The following HYDIN variants were observed in gnomAD, a reference collection of about 807,000 sequenced individuals.
The protein encoded by HYDIN is HYDIN axonemal central pair apparatus protein.
A neutral mutation model predicts 403.9 loss-of-function variants in HYDIN; 132 were observed. The observed-to-expected ratio is 0.33, with a 90% CI of 0.28 to 0.38. HYDIN has a LOEUF of 0.38. Ranked by LOEUF, HYDIN falls within the 10% of genes least tolerant of loss-of-function variation. The probability of loss-of-function intolerance (pLI) is 1.00; values close to 1 mark genes in which losing one functional copy is unlikely to be tolerated. For synonymous variants in HYDIN, 1,202 were observed against 1,891.7 expected (o/e 0.64, Z 9.46); for missense variants, 2,827 against 5,009.5 (o/e 0.56, Z 13.15).
At chr16:71,194,941 G>C (rs2144689119) in intron 1 of HYDIN, among the ~76,000 whole-genome samples, 1 of 152,348 alleles carries the variant, frequency 6.6e-6, no homozygotes, top group East Asian at 1.9e-4. Context: ...GCTACCTCCA[G>C]GGTAAGCAAG....
chr16:71,085,482 G>A (rs1207885111), intron 12 of HYDIN, among the ~76,000 whole-genome samples: 2 of 149,268 alleles, frequency 1.3e-5, no homozygotes, highest in Admixed American at 6.7e-5. Flanking sequence ...TTAGGTCTAG[G>A]TGGTTTATAG....
chr16:71,017,182 A>C lies in HYDIN; in HGVS notation c.3644+947T>G, dbSNP rs566849985. Among the ~76,000 whole-genome samples the C allele has an allele frequency of 2.6e-4, 39 of 147,634 alleles. No homozygotes were observed. The South Asian group carries it at 8.4e-3, about 32-fold the overall frequency. On this transcript the variant is annotated intron_variant, in intron 23 of 85. Coordinates refer to ENST00000393567, the MANE Select transcript of HYDIN (RefSeq NM_001270974.2). ...TGGTGAAACCGCATCTCTACTAAAAATACAAAAAAAAAAAAAAAATTGCCA... is the reference window on the plus strand; with the variant it reads ...TGGTGAAACCGCATCTCTACTAAAACTACAAAAAAAAAAAAAAAATTGCCA...
chr16:71,199,202 GCAGA>G (rs1379560307), intron 1 of HYDIN, among the ~76,000 whole-genome samples: 3 of 152,164 alleles, frequency 2.0e-5, no homozygotes, highest in Admixed American at 6.5e-5. Flanking sequence ...TTACTGATGT[GCAGA>G]AGTCCTTTAA....
chr16:70,843,314 T>C (rs2037966974), intron 75 of HYDIN, among the ~76,000 whole-genome samples: 1 of 145,294 alleles, frequency 6.9e-6, no homozygotes, highest in Non-Finnish European at 1.5e-5. Flanking sequence ...GTTCTTGCGA[T>C]AGTTTACTGA....
chr16:71,163,769 G>C (rs1460514427), intron 5 of HYDIN, among the ~76,000 whole-genome samples: 6 of 152,194 alleles, frequency 3.9e-5, no homozygotes. Flanking sequence ...AGAGGGCCCA[G>C]GCAACACCAG....
At chr16:71,108,802 T>A (rs1289569446) in intron 10 of HYDIN, among the ~76,000 whole-genome samples, 1 of 151,492 alleles carries the variant, frequency 6.6e-6, no homozygotes. Context: ...TTCCCAGGGC[T>A]GCATTCCTTC....
At chr16:70,838,577 G>C (rs2037601758) in intron 76 of HYDIN, among the ~76,000 whole-genome samples, 2 of 152,068 alleles carry the variant, frequency 1.3e-5, no homozygotes, top group Non-Finnish European at 1.5e-5. Flanking sequence ...GAAGTAATTA[G>C]GTAACAAGGC....
chr16:71,015,270 A>G (rs2080220228), intron 23 of HYDIN, among the ~76,000 whole-genome samples: 1 of 152,108 alleles, frequency 6.6e-6, no homozygotes, highest in Non-Finnish European at 1.5e-5. Context: ...AGATAGGAAG[A>G]TGCCGAAGAA....
chr16:70,985,223 T>C lies in HYDIN; in HGVS notation c.4294A>G (p.Asn1432Asp). The change falls in exon 28 of 86, where the codon AAC (asparagine) becomes GAC (aspartate). Residue 1432 changes from asparagine (N) to aspartate (D), a missense_variant. Physicochemically the swap from Asn to Asp is conservative, Grantham distance 23 (BLOSUM62 1). Coordinates refer to ENST00000393567, the MANE Select transcript of HYDIN (RefSeq NM_001270974.2). Reference protein sequence around the residue: ...VLTDHQSSPDNLLPGVPLILP... With the variant: ...VLTDHQSSPDDLLPGVPLILP... Reference sequence around the variant, plus strand: ...ATTAGTGGCACTCCAGGGAGAAGGTTGTCTGGAGAAGACTGGTGGTCAGTC... The same window carrying C: ...ATTAGTGGCACTCCAGGGAGAAGGTCGTCTGGAGAAGACTGGTGGTCAGTC... 5.6e-6 allele frequency: 9 copies of C among 1,598,964 alleles called. No homozygotes were observed. Among genetic ancestry groups the C allele is most frequent in the Non-Finnish European group, 7.7e-6 (9 of 1,170,020 alleles).
chr16:71,028,621 T>C (rs1361085689), intron 19 of HYDIN, among the ~76,000 whole-genome samples: 1 of 151,880 alleles, frequency 6.6e-6, no homozygotes, highest in Non-Finnish European at 1.5e-5. Context: ...GAAAAACTCA[T>C]CTCGGGACTG....
At chr16:70,911,746 G>C (rs1051644389) in intron 47 of HYDIN, among the ~76,000 whole-genome samples, 6 of 152,078 alleles carry the variant, frequency 3.9e-5, no homozygotes, top group Non-Finnish European at 8.8e-5. Context: ...CCATGAGCAT[G>C]AGATGTTTCC....
chr16:71,089,451 A>G (rs2083040124), intron 11 of HYDIN, among the ~76,000 whole-genome samples: 1 of 151,910 alleles, frequency 6.6e-6, no homozygotes, highest in South Asian at 2.1e-4. Context: ...CAACCTACAC[A>G]TAAGGCTTTG....
Position 71,072,026 on chromosome 16 carries a change from T to A in HYDIN, c.1739-2524A>T, listed in dbSNP as rs868833182. Among the ~76,000 whole-genome samples the A allele has an allele frequency of 1.2e-3, 179 of 151,346 alleles. No homozygotes were observed. In the Middle Eastern group the frequency reaches 0.02, roughly 17 times the overall value. On this transcript the variant is annotated intron_variant, in intron 13 of 85. Coordinates refer to ENST00000393567, the MANE Select transcript of HYDIN (RefSeq NM_001270974.2). ...CAGAATATGGGAATCAATAAGCACA[T>A]ATATCCAACTCATTTTGGACATAGA...
intron 3 of HYDIN, among the ~76,000 whole-genome samples, chr16:71,183,678 A>G (rs1470870939): frequency 2.0e-5 from 3 of 152,164 alleles, no homozygotes; most frequent in African/African-American, 7.2e-5. Flanking sequence ...TTCAGTATAA[A>G]GGCAAGACAC....
chr16:71,177,819 C>A (rs777391045), intron 4 of HYDIN, among the ~76,000 whole-genome samples: 1 of 152,196 alleles, frequency 6.6e-6, no homozygotes, highest in Non-Finnish European at 1.5e-5. Context: ...GCATTACTTT[C>A]TTTCATTATT....
At chr16:70,937,618 C>G (rs866623380) in intron 44 of HYDIN, among the ~76,000 whole-genome samples, 62 of 112,480 alleles carry the variant, frequency 5.5e-4, no homozygotes, top group Middle Eastern at 0.01. Context: ...TTGTGCCACT[C>G]AAGGCGTGAT....
At chr16:70,978,324 C>T (rs2078947559) in intron 30 of HYDIN, among the ~76,000 whole-genome samples, 1 of 149,010 alleles carries the variant, frequency 6.7e-6, no homozygotes, top group South Asian at 2.2e-4. Context: ...CTGTCATCAC[C>T]ATTGCTTACA....
chr16:71,089,150 A>G lies in HYDIN; in HGVS notation c.1447-626T>C, dbSNP rs1422321301. The stretch of plus-strand genomic sequence containing the variant: ...TTTACTATAGAAAAGTTGTACTCCT[A>G]TATTCTAGTGTTCTGGAAGCATGTT... On this transcript the variant is annotated intron_variant, in intron 11 of 85. Transcript: ENST00000393567. Among the ~76,000 whole-genome samples, 8 of 150,494 alleles carry G rather than the reference A, an allele frequency of 5.3e-5. No homozygotes were observed. In the Admixed American group the frequency reaches 5.3e-4, roughly 10 times the overall value.
chr16:70,905,640 A>G (rs868488072), intron 50 of HYDIN, among the ~76,000 whole-genome samples: 2,485 of 146,808 alleles, frequency 0.017, 48 homozygotes, highest in African/African-American at 0.06. Flanking sequence ...CTTAAAAAAA[A>G]AAAAAAAAAA....
Sources: gnomAD v4.1 joint callset for allele counts (sites outside exome capture counted in the v4.1 genomes callset) on GRCh38, gnomAD v4.1.1 for gene constraint, MANE v1.5 for transcripts, NCBI Gene and HGNC (gene_info 2026-07-23, HGNC 2026-07-21) for gene names.